FERMT2: variants seen among roughly 807,000 people sequenced by gnomAD.
FERMT2 encodes the protein fermitin family homolog 2.
Under a neutral mutation model 82.7 loss-of-function variants are expected in FERMT2, and 15 were observed. The observed-to-expected ratio is 0.18, with a 90% CI of 0.12 to 0.28. The LOEUF is 0.28. Among genes scored for constraint, FERMT2 ranks in the 10% least tolerant of loss-of-function variants. The pLI, the probability that FERMT2 is intolerant of heterozygous loss-of-function variation, is 1.00. For missense variants in FERMT2, 645 were observed against 809.4 expected, an observed-to-expected ratio of 0.80 and a Z score of 2.46; for synonymous variants, 274 against 271.5, an observed-to-expected ratio of 1.01 and a Z score of -0.09.
chr14:52,864,358 A>G, intron 12 of FERMT2, 43 bp downstream of exon 12: 1 of 1,464,470 alleles, frequency 6.8e-7, no homozygotes, highest in Non-Finnish European at 9.5e-7. Flanking sequence ...CAAAATTATA[A>G]AAACAAACCA....
In FERMT2 at chr14:52,858,390, C is replaced by T; in HGVS notation, c.2030G>A (p.Ser677Asn). ...LDEEMFYKLT[S>N]GWV ...CAGTATTCCTATTCACACCCAACCA[C>T]TGGTAAGTTTGTAGAACATCTCTTC... The change falls in exon 15 of 15, where the codon AGT becomes AAT. Residue 677 changes from serine to asparagine, a missense_variant. Coordinates refer to ENST00000341590, the MANE Select transcript of FERMT2 (RefSeq NM_006832.3). 1 of 1,613,990 alleles carries T rather than the reference C, an allele frequency of 6.2e-7. No homozygotes were observed. The highest frequency in any genetic ancestry group is 8.5e-7 in the Non-Finnish European group (1 of 1,179,860).
intron 2 of FERMT2, among the ~76,000 whole-genome samples, chr14:52,929,851 C>A (rs1034268672): frequency 6.6e-6 from 1 of 152,024 alleles, no homozygotes; most frequent in Non-Finnish European, 1.5e-5. Context: ...ATCTTTCTTT[C>A]CTAATAGATT....
intron 10 of FERMT2, among the ~76,000 whole-genome samples, chr14:52,870,000 T>G (rs985479672): frequency 1.3e-5 from 2 of 152,122 alleles, no homozygotes; most frequent in Non-Finnish European, 2.9e-5. Context: ...AGAATAAGGA[T>G]ATAAAGAAAA....
intron 5 of FERMT2, 38 bp from the exon 6 acceptor site, chr14:52,881,176 A>G (rs1273052345): frequency 6.3e-7 from 1 of 1,591,948 alleles, no homozygotes; most frequent in Admixed American, 1.7e-5. Flanking sequence ...AACAACACAG[A>G]ATGAAGACAA....
chr14:52,901,651 A>T (rs1341666422), intron 3 of FERMT2, among the ~76,000 whole-genome samples: 1 of 152,192 alleles, frequency 6.6e-6, no homozygotes, highest in Non-Finnish European at 1.5e-5. Context: ...GGCAACAAGC[A>T]ATGTGGAGAG....
chr14:52,893,219 A>C, intron 4 of FERMT2, 74 bp downstream of exon 4: 1 of 1,354,562 alleles, frequency 7.4e-7, no homozygotes, highest in Non-Finnish European at 9.9e-7. Context: ...TGATCCATTT[A>C]CCCACCACCA....
intron 3 of FERMT2, among the ~76,000 whole-genome samples, chr14:52,916,580 A>T (rs963154115): frequency 4.6e-5 from 7 of 152,202 alleles, no homozygotes; most frequent in Non-Finnish European, 1.0e-4. Context: ...TAGGACAGTC[A>T]AACTATTCTG....
intron 2 of FERMT2, among the ~76,000 whole-genome samples, chr14:52,924,599 G>C (rs889495489): frequency 1.3e-5 from 2 of 152,146 alleles, no homozygotes; most frequent in Non-Finnish European, 2.9e-5. Context: ...TCTTGCAAGA[G>C]AGTGTGCAAG....
intron 2 of FERMT2, among the ~76,000 whole-genome samples, chr14:52,930,364 C>T (rs1889505425): frequency 6.6e-6 from 1 of 152,156 alleles, no homozygotes; most frequent in South Asian, 2.1e-4. Context: ...TAGTTAGGTT[C>T]CAAATCATAC....
At chr14:52,902,350 A>G (rs1356170946) in intron 3 of FERMT2, among the ~76,000 whole-genome samples, 1 of 151,686 alleles carries the variant, frequency 6.6e-6, no homozygotes, top group Non-Finnish European at 1.5e-5. Context: ...CCGAGATTGC[A>G]CCATTGCACT....
chr14:52,873,385 C>T (rs1885750448), intron 9 of FERMT2, among the ~76,000 whole-genome samples: 1 of 152,130 alleles, frequency 6.6e-6, no homozygotes, highest in Non-Finnish European at 1.5e-5. Context: ...GCTTCTTTCT[C>T]CGGGGTAAAT....
In FERMT2 at chr14:52,875,333, T is replaced by G. The variant is rs915413405; in HGVS notation, c.988A>C (p.Met330Leu). 16 of 1,606,278 alleles carry G rather than the reference T, an allele frequency of 1.0e-5. No individual in the cohort carries two copies. Among genetic ancestry groups the G allele is most frequent in the Non-Finnish European group, 1.3e-5 (15 of 1,173,740 alleles). Residue 330 changes from methionine (M) to leucine (L), a missense_variant, in exon 8 of 15, where the codon ATG becomes CTG. Physicochemically the swap from Met to Leu is conservative, Grantham distance 15 (BLOSUM62 2). Coordinates refer to ENST00000341590, the MANE Select transcript of FERMT2 (RefSeq NM_006832.3). ...TTGTTCAAATGATTCTCTGATGTCA[T>G]GATTGACAGCTTATTGATATGATAC... ...LQYHINKLSI[M>L]TSENHLNNSD...
At chr14:52,948,607 G>A (rs1357198785) in intron 2 of FERMT2, 3 of 454,802 alleles carry the variant, frequency 6.6e-6, no homozygotes, top group Non-Finnish European at 1.3e-5. Flanking sequence ...AAATGTATCA[G>A]CATTAAAAGA....
intron 12 of FERMT2, chr14:52,861,115 G>T (rs758100492): frequency 1.6e-5 from 22 of 1,341,818 alleles, no homozygotes; most frequent in Non-Finnish European, 2.1e-5. Context: ...ACGAAGCAAA[G>T]AAAAAGTTGC....
At chr14:52,872,096 G>C (rs945108255) in intron 10 of FERMT2, 1 of 152,406 alleles carries the variant, frequency 6.6e-6, no homozygotes, top group African/African-American at 2.4e-5. Context: ...GTGAGGGTGA[G>C]GAAGAGCAGG....
chr14:52,925,866 A>AT, intron 2 of FERMT2, among the ~76,000 whole-genome samples: 1 of 152,112 alleles, frequency 6.6e-6, no homozygotes, highest in Non-Finnish European at 1.5e-5. Context: ...CTGGTCTTGA[A>AT]TTCCTGACCT....
rs1890574723 is a variant in FERMT2 at position 52,950,425 on chromosome 14, C to T, written c.144G>A (p.Leu48=). 6.2e-7 allele frequency: 1 copy of T among 1,613,842 alleles called. No individual in the cohort carries two copies. Among genetic ancestry groups the T allele is most frequent in the Non-Finnish European group, 8.5e-7 (1 of 1,179,894 alleles). The change falls in exon 2 of 15, where the codon CTG becomes CTA. Residue 48 remains leucine (L), a synonymous_variant. Transcript: ENST00000341590. The part of the protein sequence containing the change: ...EVHIGGVMLK[L]VEKLDVKKDW... ...GATGCTACTCACCGAGTTTCTCCAC[C>T]AGCTTAAGCATCACGCCTCCAATGT...
At chr14:52,889,221 G>C (rs1182662018) in intron 4 of FERMT2, among the ~76,000 whole-genome samples, 1 of 152,180 alleles carries the variant, frequency 6.6e-6, no homozygotes, top group African/African-American at 2.4e-5. Context: ...ACAAGAAGTT[G>C]CTCAATAAAT....
At chr14:52,865,091 G>C (rs749225889) in intron 10 of FERMT2, among the ~76,000 whole-genome samples, 5 of 152,202 alleles carry the variant, frequency 3.3e-5, no homozygotes, top group Non-Finnish European at 7.3e-5. Context: ...GGGAGGCCGA[G>C]GCGGGCGGAT....
Sources: allele counts gnomAD v4.1 joint callset (sites outside exome capture counted in the v4.1 genomes callset), GRCh38; gene constraint gnomAD v4.1.1; transcripts MANE v1.5; gene names NCBI Gene and HGNC (gene_info 2026-07-23, HGNC 2026-07-21).